GPR180: variants seen among roughly 807,000 people sequenced by gnomAD.
The protein encoded by GPR180 is integral membrane protein GPR180.
GPR180 carries 53 observed loss-of-function variants against 52.6 expected under a neutral mutation model. The observed-to-expected ratio is 1.01, with a 90% confidence interval of 0.81 to 1.27. The LOEUF (loss-of-function observed/expected upper bound fraction) is 1.27, where lower values mean the gene tolerates loss of function less well. Ranked by LOEUF, GPR180 falls within the 50% of genes most tolerant of loss-of-function variation. The pLI, the probability that GPR180 is intolerant of heterozygous loss-of-function variation, is 0.00. For synonymous variants in GPR180, 200 were observed against 193.1 expected (o/e 1.04, Z -0.30); for missense variants, 533 against 527.0 (o/e 1.01, Z -0.11).
At chr13:94,603,017 G>A (rs192080038) in intron 1 of GPR180, among the ~76,000 whole-genome samples, 2 of 151,788 alleles carry the variant, frequency 1.3e-5, no homozygotes, top group Admixed American at 1.3e-4. Flanking sequence ...AACTACTTTG[G>A]TGAGAAAAGG....
chr13:94,625,857 C>T, intron 7 of GPR180, 109 bp from the exon 8 acceptor site: 1 of 606,572 alleles, frequency 1.6e-6, no homozygotes, highest in South Asian at 2.4e-5. Flanking sequence ...ACTCTAAAGG[C>T]CTGTTGAGGT....
rs981130065 is a variant in GPR180 at position 94,601,943 on chromosome 13, C to T, written c.16C>T (p.Leu6=). MGGLR[L]LAVALTCCWW... ...GGAGACGGGCATGGGGGGGCTGCGG[C>T]TGCTGGCTGTGGCCCTCACGTGCTG... is the stretch of plus-strand genomic sequence containing the variant. The change falls in exon 1 of 9, where the codon CTG becomes TTG. Residue 6 remains leucine (L), a synonymous_variant. Coordinates refer to ENST00000376958, the MANE Select transcript of GPR180 (RefSeq NM_180989.6). 3.3e-6 allele frequency: 5 copies of T among 1,496,602 alleles called. No individual in the cohort carries two copies. Among genetic ancestry groups the T allele is most frequent in the Non-Finnish European group, 3.5e-6 (4 of 1,128,868 alleles). The allele number at this position is 1,496,602 out of a possible 1,614,324, so 92.7% of individuals were successfully genotyped here.
chr13:94,609,054 T>G (rs1889669764), intron 2 of GPR180, among the ~76,000 whole-genome samples: 1 of 152,216 alleles, frequency 6.6e-6, no homozygotes, highest in Admixed American at 6.5e-5. Context: ...ACGAGGAGAT[T>G]CGGAGGAATT....
Position 94,633,555 on chromosome 13 carries a change from G to A in GPR180, c.*6384G>A, listed in dbSNP as rs982634546. The A allele has an allele frequency of 6.6e-6, 1 of 151,844 alleles. No individual in the cohort carries two copies. The highest frequency in any genetic ancestry group is 1.5e-5 in the Non-Finnish European group (1 of 67,966). 9.4% of individuals were successfully genotyped at this position (151,844 alleles called of 1,614,324 possible). ...CATATTTTTCCCACTTTTCTATTGG[G>A]TTGGTTGTCTTTTTCTTATTGATTT... On this transcript the variant is annotated 3_prime_UTR_variant, in exon 9 of 9. Transcript: ENST00000376958.
Position 94,628,481 on chromosome 13 carries a change from T to C in GPR180, c.*1310T>C, listed in dbSNP as rs2138572591. 1 of 152,202 alleles carries C rather than the reference T, an allele frequency of 6.6e-6. No individual in the cohort carries two copies. Among genetic ancestry groups the C allele is most frequent in the African/African-American group, 2.4e-5 (1 of 41,572 alleles). The allele number at this position is 152,202 out of a possible 1,614,324, so 9.4% of individuals were successfully genotyped here. On this transcript the variant is annotated 3_prime_UTR_variant, in exon 9 of 9. Coordinates refer to ENST00000376958, the MANE Select transcript of GPR180 (RefSeq NM_180989.6). ...TTAAGCAAGCAACAGTGCACTGATC[T>C]GGTAGTTAAATTTTTTAATTAAATA... is the stretch of plus-strand genomic sequence containing the variant.
intron 1 of GPR180, among the ~76,000 whole-genome samples, chr13:94,603,342 T>C (rs758793421): frequency 3.9e-4 from 59 of 152,170 alleles, no homozygotes; most frequent in Non-Finnish European, 6.9e-4. Context: ...GGTTATTACT[T>C]AGGACCAGCA....
intron 1 of GPR180, among the ~76,000 whole-genome samples, chr13:94,602,686 T>G (rs1446624530): frequency 2.0e-5 from 3 of 152,180 alleles, no homozygotes; most frequent in African/African-American, 7.2e-5. Context: ...TCTTGGAAGC[T>G]CCCTAATTTG....
In GPR180 at chr13:94,602,043, G is replaced by A. The variant is rs920062444; in HGVS notation, c.116G>A (p.Gly39Asp). The change falls in exon 1 of 9, where the codon GGC becomes GAC. Residue 39 changes from glycine to aspartate, a missense_variant. Physicochemically the swap from Gly to Asp is moderately conservative, Grantham distance 94. Transcript: ENST00000376958. ...FSSTAAQDAQ[G>D]QRIGHFEFHG... ...AGCACCGCGGCCCAGGACGCCCAGGGCCAGCGCATCGGCCACTTCGAGTTC... is the reference window on the plus strand; with the variant it reads ...AGCACCGCGGCCCAGGACGCCCAGGACCAGCGCATCGGCCACTTCGAGTTC... 1.4e-6 allele frequency: 2 copies of A among 1,443,920 alleles called. No individual in the cohort carries two copies. The highest frequency in any genetic ancestry group is 1.5e-5 in the African/African-American group (1 of 68,502). 89.4% of individuals were successfully genotyped at this position (1,443,920 alleles called of 1,614,324 possible).
At chr13:94,607,915 T>C (rs565930305) in intron 2 of GPR180, among the ~76,000 whole-genome samples, 2 of 152,370 alleles carry the variant, frequency 1.3e-5, no homozygotes, top group Non-Finnish European at 2.9e-5. Flanking sequence ...ACCTTCATGC[T>C]TAAGGGCTTG....
chr13:94,619,125 C>A, intron 3 of GPR180, 25 bp from the exon 4 acceptor site: 1 of 1,587,432 alleles, frequency 6.3e-7, no homozygotes, highest in South Asian at 1.1e-5. Context: ...TTTACTGAAG[C>A]AAACTCCCTT....
At position 94,627,296 on chromosome 13, in the gene GPR180, T is replaced by G. The variant is rs186014023; in HGVS notation, c.*125T>G. 1,961 of 729,842 alleles carry G rather than the reference T, an allele frequency of 2.7e-3. 8 individuals are homozygous for G. Among genetic ancestry groups the G allele is most frequent in the Non-Finnish European group, 3.8e-3 (1,665 of 443,528 alleles). The allele number at this position is 729,842 out of a possible 1,614,324, so 45.2% of individuals were successfully genotyped here. A position where few individuals can be genotyped will look rare whatever the true frequency, so the allele number is the denominator to read the frequency against. ...GAACAGCGAAAGCAGAGCATGTTAT[T>G]TATATAACTGCATTTAAGCAGTACC... is the stretch of plus-strand genomic sequence containing the variant. On this transcript the variant is annotated 3_prime_UTR_variant, in exon 9 of 9. Coordinates refer to ENST00000376958, the MANE Select transcript of GPR180 (RefSeq NM_180989.6).
chr13:94,624,618 C>T (rs895453979), intron 7 of GPR180, among the ~76,000 whole-genome samples: 1 of 152,104 alleles, frequency 6.6e-6, no homozygotes, highest in African/African-American at 2.4e-5. Context: ...AGTGCAGTGG[C>T]GTGATCTCGG....
intron 2 of GPR180, 75 bp from the exon 3 acceptor site, chr13:94,612,115 A>G (rs570427310): frequency 7.3e-5 from 85 of 1,167,256 alleles, no homozygotes; most frequent in East Asian, 1.4e-4. Context: ...CCTAACCTCA[A>G]ATTGATTATA....
intron 5 of GPR180, 108 bp from the exon 6 acceptor site, chr13:94,620,970 C>A (rs1889843866): frequency 8.1e-6 from 8 of 989,086 alleles, no homozygotes; most frequent in Non-Finnish European, 1.2e-5. Context: ...TTGAAAATGG[C>A]TTTTTGTGGT....
intron 3 of GPR180, among the ~76,000 whole-genome samples, 153 bp from the exon 4 acceptor site, chr13:94,618,996 GT>G (rs1405513687): frequency 1.3e-5 from 2 of 152,094 alleles, no homozygotes; most frequent in Non-Finnish European, 2.9e-5. Flanking sequence ...AATTGTTTAA[GT>G]TTTAATAATT....
At chr13:94,620,510 A>G (rs1443945119) in intron 5 of GPR180, among the ~76,000 whole-genome samples, 1 of 152,218 alleles carries the variant, frequency 6.6e-6, no homozygotes, top group African/African-American at 2.4e-5. Context: ...CATCACACTA[A>G]TGCATGGAGC....
intron 7 of GPR180, among the ~76,000 whole-genome samples, chr13:94,624,415 C>G (rs1032562419): frequency 6.6e-6 from 1 of 152,144 alleles, no homozygotes; most frequent in Non-Finnish European, 1.5e-5. Context: ...TGCTGCAGCC[C>G]TAAGAACCAA....
At position 94,620,998 on chromosome 13, in the gene GPR180, AAAG is replaced by A. The variant is rs570233969; in HGVS notation, c.737-78_737-76del. On this transcript the variant is annotated intron_variant, in intron 5 of 8. Coordinates refer to ENST00000376958, the MANE Select transcript of GPR180 (RefSeq NM_180989.6). ...TTTGTGGTTTTTCTTAAAAAAAAAAAAAGATGTTCTCAATGCAAAAAGCACTAA... is the reference window on the plus strand; with the variant it reads ...TTTGTGGTTTTTCTTAAAAAAAAAAAATGTTCTCAATGCAAAAAGCACTAA... 6.9e-4 allele frequency: 913 copies of A among 1,326,518 alleles called. 1 individual carries two copies. The African/African-American group carries it at 9.9e-3, about 14-fold the overall frequency. 82.2% of individuals were successfully genotyped at this position (1,326,518 alleles called of 1,614,324 possible).
rs375485810 is a variant in GPR180 at position 94,618,671 on chromosome 13, C to T, written c.506-479C>T. The stretch of plus-strand genomic sequence containing the variant: ...AAACTGGATGGCACTCAAGAATTTG[C>T]GTTTATAACAAATTCCCTGGTGATG... On this transcript the variant is annotated intron_variant, in intron 3 of 8. Transcript: ENST00000376958. Among the ~76,000 whole-genome samples, 9 of 152,012 alleles carry T rather than the reference C, an allele frequency of 5.9e-5. No individual in the cohort carries two copies. The East Asian group carries it at 7.7e-4, about 13-fold the overall frequency.
Sources: allele counts gnomAD v4.1 joint callset (sites outside exome capture counted in the v4.1 genomes callset), GRCh38; gene constraint gnomAD v4.1.1; transcripts MANE v1.5; gene names NCBI Gene and HGNC (gene_info 2026-07-23, HGNC 2026-07-21).